Variants in UBAC2 observed in about 807,000 individuals in gnomAD.
The protein encoded by UBAC2 is ubiquitin-associated domain-containing protein 2.
A neutral mutation model predicts 44.0 loss-of-function variants in UBAC2; 26 were observed. The ratio of observed to expected loss-of-function variants is 0.59; its 90% CI spans 0.43 to 0.82. The LOEUF is 0.82. Ranked by LOEUF, UBAC2 falls within the 40% of genes least tolerant of loss-of-function variation. The pLI is 0.00. For synonymous variants in UBAC2, 155 were observed against 154.3 expected (o/e 1.00, Z -0.04); for missense variants, 329 against 419.4 (o/e 0.78, Z 1.88).
intron 1 of UBAC2, among the ~76,000 whole-genome samples, chr13:99,208,225 G>C (rs2042897660): frequency 6.6e-6 from 1 of 152,142 alleles, no homozygotes; most frequent in African/African-American, 2.4e-5. Flanking sequence ...TTGAACTCCT[G>C]ACCTCAGGTG....
At chr13:99,373,065 G>A (rs1045380469) in intron 8 of UBAC2, among the ~76,000 whole-genome samples, 2 of 152,106 alleles carry the variant, frequency 1.3e-5, no homozygotes, top group Non-Finnish European at 2.9e-5. Flanking sequence ...AGCTTGCAGT[G>A]AGCTGAGATC....
intron 8 of UBAC2, among the ~76,000 whole-genome samples, chr13:99,384,737 G>A (rs2045596537): frequency 6.6e-6 from 1 of 151,912 alleles, no homozygotes; most frequent in Non-Finnish European, 1.5e-5. Flanking sequence ...GTGATGCCAG[G>A]GCTGAGCGTG....
intron 7 of UBAC2, among the ~76,000 whole-genome samples, chr13:99,344,068 A>T (rs540896731): frequency 1.3e-5 from 2 of 152,270 alleles, no homozygotes; most frequent in East Asian, 3.9e-4. Flanking sequence ...TTCACTCTTT[A>T]TCAGTAAGAA....
chr13:99,330,589 C>T (rs1418726923), intron 6 of UBAC2, among the ~76,000 whole-genome samples: 2 of 151,000 alleles, frequency 1.3e-5, no homozygotes, highest in African/African-American at 4.9e-5. Context: ...CATAGGTGGT[C>T]TGTGTCATCC....
intron 1 of UBAC2, among the ~76,000 whole-genome samples, chr13:99,201,747 GAGGAC>G (rs1009170678): frequency 2.8e-4 from 43 of 152,178 alleles, no homozygotes; most frequent in Non-Finnish European, 2.4e-4. Flanking sequence ...AATGCTGCTG[GAGGAC>G]AGAAACATCT....
intron 5 of UBAC2, among the ~76,000 whole-genome samples, chr13:99,316,774 G>C (rs1057113147): frequency 6.6e-6 from 1 of 152,268 alleles, no homozygotes; most frequent in African/African-American, 2.4e-5. Context: ...ACCTGGAAGA[G>C]TGGAGAGCAT....
chr13:99,375,467 C>A (rs1314535537), intron 8 of UBAC2, among the ~76,000 whole-genome samples: 1 of 152,094 alleles, frequency 6.6e-6, no homozygotes, highest in Non-Finnish European at 1.5e-5. Flanking sequence ...CATCTGGGCT[C>A]CCCCAACAGG....
At chr13:99,369,649 G>A (rs865889665) in intron 8 of UBAC2, among the ~76,000 whole-genome samples, 95 of 152,310 alleles carry the variant, frequency 6.2e-4, no homozygotes, top group Middle Eastern at 3.4e-3. Context: ...TCCATCGTAG[G>A]TTGAGGAGCG....
intron 1 of UBAC2, among the ~76,000 whole-genome samples, chr13:99,205,335 G>A (rs1471765081): frequency 3.3e-5 from 5 of 152,162 alleles, no homozygotes; most frequent in Non-Finnish European, 5.9e-5. Context: ...GTGAGGATCC[G>A]GGGCCCAGGG....
At chr13:99,358,968 T>A (rs1416577101) in intron 7 of UBAC2, among the ~76,000 whole-genome samples, 2 of 150,760 alleles carry the variant, frequency 1.3e-5, no homozygotes, top group Non-Finnish European at 3.0e-5. Flanking sequence ...AGTTTGGGAG[T>A]CTCTACCCCA....
chr13:99,201,088 G>C (rs1593983599), intron 1 of UBAC2, 149 bp downstream of exon 1: 2 of 1,351,374 alleles, frequency 1.5e-6, no homozygotes, highest in East Asian at 5.5e-5. Flanking sequence ...CTAGTTCCCG[G>C]TCTTGGGGGT....
intron 4 of UBAC2, among the ~76,000 whole-genome samples, chr13:99,266,098 T>G (rs2043740103): frequency 6.6e-6 from 1 of 152,144 alleles, no homozygotes; most frequent in African/African-American, 2.4e-5. Context: ...CTCTTCACCT[T>G]TACCCCTTCT....
At chr13:99,315,148 G>A (rs781313554) in intron 5 of UBAC2, among the ~76,000 whole-genome samples, 8 of 152,042 alleles carry the variant, frequency 5.3e-5, no homozygotes, top group Middle Eastern at 3.4e-3. Context: ...TTTTACAACC[G>A]TTTCTCATGA....
At chr13:99,336,064 T>A (rs962822229) in intron 6 of UBAC2, among the ~76,000 whole-genome samples, 3 of 152,166 alleles carry the variant, frequency 2.0e-5, no homozygotes, top group Non-Finnish European at 4.4e-5. Context: ...GTTGCTGTAT[T>A]TAAGATTGCT....
chr13:99,242,672 G>A (rs78272224), intron 2 of UBAC2, among the ~76,000 whole-genome samples: 10 of 1,974 alleles, frequency 5.1e-3, no homozygotes, highest in Non-Finnish European at 8.3e-3. Flanking sequence ...GCGGCTGGCC[G>A]GGCGGGGGGC....
intron 4 of UBAC2, among the ~76,000 whole-genome samples, chr13:99,276,818 G>A (rs1426890581): frequency 6.6e-6 from 1 of 152,238 alleles, no homozygotes; most frequent in African/African-American, 2.4e-5. Flanking sequence ...AGGCACTTCT[G>A]TCACTTAGGT....
chr13:99,209,085 GCT>G (rs1200162781), intron 1 of UBAC2, among the ~76,000 whole-genome samples: 1 of 152,218 alleles, frequency 6.6e-6, no homozygotes, highest in Non-Finnish European at 1.5e-5. Context: ...CCTTGCCCTG[GCT>G]GTGCATGTGG....
At chr13:99,269,792 A>T (rs1040831479) in intron 4 of UBAC2, among the ~76,000 whole-genome samples, 3 of 152,250 alleles carry the variant, frequency 2.0e-5, no homozygotes, top group African/African-American at 4.8e-5. Context: ...TCAGCAGTTC[A>T]GTAGGCATTG....
chr13:99,240,308 T>C (rs1431291240), intron 2 of UBAC2, among the ~76,000 whole-genome samples: 1 of 152,210 alleles, frequency 6.6e-6, no homozygotes, highest in African/African-American at 2.4e-5. Flanking sequence ...GCTCTCATAG[T>C]TTTGTGTCCT....
Sources: gnomAD v4.1 joint callset for allele counts (sites outside exome capture counted in the v4.1 genomes callset) on GRCh38, gnomAD v4.1.1 for gene constraint, MANE v1.5 for transcripts, NCBI Gene and HGNC (gene_info 2026-07-23, HGNC 2026-07-21) for gene names.